PHF2: variants seen among roughly 807,000 people sequenced by gnomAD.
PHF2 encodes the protein PHD finger protein 2.
Under a neutral mutation model 120.5 loss-of-function variants are expected in PHF2, and 27 were observed. That is an observed-to-expected ratio of 0.22 (90% CI 0.17 to 0.31). PHF2 has a LOEUF of 0.31. Ranked by LOEUF, PHF2 falls within the 10% of genes least tolerant of loss-of-function variation. The probability of loss-of-function intolerance (pLI) is 1.00; values close to 1 mark genes in which losing one functional copy is unlikely to be tolerated. For synonymous variants in PHF2, 568 were observed against 592.5 expected (o/e 0.96, Z 0.60); for missense variants, 1,024 against 1,434.8 (o/e 0.71, Z 4.63).
chr9:93,616,551 C>G (rs73651296), intron 1 of PHF2, among the ~76,000 whole-genome samples: 3,118 of 152,272 alleles, frequency 0.02, 108 homozygotes, highest in African/African-American at 0.07. Context: ...GTGCCAGATG[C>G]TGCAGAGGGC....
chr9:93,602,114 A>G (rs1300246657), intron 1 of PHF2, among the ~76,000 whole-genome samples: 1 of 152,026 alleles, frequency 6.6e-6, no homozygotes, highest in Non-Finnish European at 1.5e-5. Flanking sequence ...TTGTTTCTTC[A>G]GATCTCTCTT....
intron 1 of PHF2, among the ~76,000 whole-genome samples, 169 bp downstream of exon 1, chr9:93,577,040 C>T (rs1374590070): frequency 6.9e-6 from 1 of 145,970 alleles, no homozygotes; most frequent in Non-Finnish European, 1.5e-5. Flanking sequence ...CCGGGCCGCG[C>T]GCCCTTTTGT....
intron 1 of PHF2, among the ~76,000 whole-genome samples, chr9:93,620,312 GC>G (rs1167233510): frequency 1.3e-5 from 2 of 152,236 alleles, no homozygotes; most frequent in Non-Finnish European, 2.9e-5. Context: ...TCCTCATGGA[GC>G]CTCTGTCTGT....
Position 93,677,478 on chromosome 9 carries a change from A to C in PHF2, c.3203-110A>C. 20 of 748,392 alleles carry C rather than the reference A, an allele frequency of 2.7e-5. No individual in the cohort carries two copies. The highest frequency in any genetic ancestry group is 4.2e-5 in the Non-Finnish European group (18 of 425,976). 46.4% of individuals were successfully genotyped at this position (748,392 alleles called of 1,614,324 possible). A position where few individuals can be genotyped will look rare whatever the true frequency, so the allele number is the denominator to read the frequency against. The stretch of plus-strand genomic sequence containing the variant: ...CATAGGCCCATTTTACAGATGGGGG[A>C]CTGCAGGCTGCCCCTTAGTGTCAGC... On this transcript the variant is annotated intron_variant, in intron 21 of 21. Transcript: ENST00000359246. This position sits in a 1 kb window ranked among gnomAD's most constrained non-coding sequence, Gnocchi z 4.4.
chr9:93,622,242 G>A (rs1806524), intron 1 of PHF2, among the ~76,000 whole-genome samples: 1 of 152,092 alleles, frequency 6.6e-6, no homozygotes, highest in Non-Finnish European at 1.5e-5. Flanking sequence ...TTTGGGCTTG[G>A]GGTCTGGTCA....
At chr9:93,658,755 G>A (rs1486332241) in intron 10 of PHF2, among the ~76,000 whole-genome samples, 1 of 152,148 alleles carries the variant, frequency 6.6e-6, no homozygotes, top group African/African-American at 2.4e-5. Context: ...TAAGCTGCCT[G>A]ATTGCAGGTG....
chr9:93,586,535 A>T (rs1863048213), intron 1 of PHF2, among the ~76,000 whole-genome samples: 1 of 152,260 alleles, frequency 6.6e-6, no homozygotes, highest in Admixed American at 6.5e-5. Context: ...CTCCCATGCC[A>T]GCCAACGTAC....
In PHF2 at chr9:93,665,815, C is replaced by T. The variant is rs564943568; in HGVS notation, c.2067C>T (p.Asp689=). ...CGGATGACGGTGAGCTCAAGATCGA[C>T]GAGTTTCCCATCAGGAGGAAGAAAA... ...YVSDDGELKI[D]EFPIRRKKNA... Residue 689 remains aspartate, a synonymous_variant, in exon 15 of 22, where the codon GAC becomes GAT. Transcript: ENST00000359246. 31 of 1,613,498 alleles carry T rather than the reference C, an allele frequency of 1.9e-5. No homozygotes were observed. Among genetic ancestry groups the T allele is most frequent in the South Asian group, 5.5e-5 (5 of 91,066 alleles).
At chr9:93,629,342 C>T (rs977595686) in intron 1 of PHF2, among the ~76,000 whole-genome samples, 2 of 152,214 alleles carry the variant, frequency 1.3e-5, no homozygotes. Context: ...TGGCTTAAGG[C>T]CTGTAGCCCG....
chr9:93,633,908 C>T (rs777520522), intron 2 of PHF2, among the ~76,000 whole-genome samples: 3 of 152,148 alleles, frequency 2.0e-5, no homozygotes, highest in Non-Finnish European at 4.4e-5. Context: ...TCTCCTCAGC[C>T]AGCCCTGAGG....
intron 17 of PHF2, among the ~76,000 whole-genome samples, chr9:93,673,373 G>A (rs964573569): frequency 1.3e-5 from 2 of 152,086 alleles, no homozygotes; most frequent in African/African-American, 4.8e-5. Flanking sequence ...GTGGCATATG[G>A]GTGGATGAGC....
intron 1 of PHF2, among the ~76,000 whole-genome samples, chr9:93,612,948 G>A (rs780340119): frequency 7.2e-5 from 11 of 152,180 alleles, no homozygotes; most frequent in Admixed American, 2.0e-4. Flanking sequence ...CACCCTTCAC[G>A]TGGAGCGATG....
chr9:93,676,890 C>A lies in PHF2; in HGVS notation c.3129C>A (p.Pro1043=). ...TGAQAGRTSQ[P]MAPGVFLTQR... ...CCCAGGCTGGCCGCACCTCCCAGCC[C>A]ATGGCCCCTGGGGTCTTTCTCACAC... The change falls in exon 21 of 22, where the codon CCC becomes CCA. Residue 1043 remains proline (P), a synonymous_variant. Transcript: ENST00000359246. 6.3e-7 allele frequency: 1 copy of A among 1,582,464 alleles called. No homozygotes were observed. The highest frequency in any genetic ancestry group is 1.3e-5 in the African/African-American group (1 of 74,684).
At chr9:93,630,606 G>C (rs1334180554) in intron 2 of PHF2, among the ~76,000 whole-genome samples, 1 of 152,182 alleles carries the variant, frequency 6.6e-6, no homozygotes, top group Non-Finnish European at 1.5e-5. Context: ...TAAGGGCTGA[G>C]GCTTCGTTTT....
chr9:93,644,125 G>A (rs1826214545), intron 3 of PHF2, among the ~76,000 whole-genome samples: 1 of 152,102 alleles, frequency 6.6e-6, no homozygotes, highest in East Asian at 1.9e-4. Flanking sequence ...GGTGGCTCAC[G>A]CCTGTAATCC....
intron 1 of PHF2, among the ~76,000 whole-genome samples, chr9:93,607,703 G>T (rs1825565878): frequency 6.6e-6 from 1 of 151,842 alleles, no homozygotes; most frequent in African/African-American, 2.4e-5. Context: ...TTAATTCTTT[G>T]ATCTACATAT....
At chr9:93,651,570 A>G (rs1826370564) in intron 5 of PHF2, among the ~76,000 whole-genome samples, 4 of 152,142 alleles carry the variant, frequency 2.6e-5, no homozygotes, top group Admixed American at 2.6e-4. Flanking sequence ...TGTCTGGGGT[A>G]GCTCTTGGGG....
At chr9:93,646,741 G>A (rs1431802877) in intron 4 of PHF2, among the ~76,000 whole-genome samples, 8 of 152,190 alleles carry the variant, frequency 5.3e-5, no homozygotes, top group Non-Finnish European at 8.8e-5. Context: ...AGCTTTTCTC[G>A]GGAGCCACAT....
chr9:93,588,120 C>T (rs535061496), intron 1 of PHF2, among the ~76,000 whole-genome samples: 1 of 152,328 alleles, frequency 6.6e-6, no homozygotes, highest in African/African-American at 2.4e-5. Flanking sequence ...CTCCCTGTCT[C>T]TGAGCAGCAG....
Sources: allele counts gnomAD v4.1 joint callset (sites outside exome capture counted in the v4.1 genomes callset), GRCh38; gene constraint gnomAD v4.1.1; non-coding constraint Gnocchi (gnomAD v3.1); transcripts MANE v1.5; gene names NCBI Gene and HGNC (gene_info 2026-07-23, HGNC 2026-07-21).